The following CHDH variants were observed in gnomAD, a reference collection of about 807,000 sequenced individuals.
CHDH encodes the protein choline dehydrogenase.
A neutral mutation model predicts 56.9 loss-of-function variants in CHDH; 43 were observed. The ratio of observed to expected loss-of-function variants is 0.76; its 90% confidence interval spans 0.59 to 0.97. The LOEUF is 0.97. Ranked by LOEUF, CHDH falls within the 50% of genes least tolerant of loss-of-function variation. The pLI is 0.00. For missense variants in CHDH, 816 were observed against 821.1 expected (o/e 0.99, Z 0.08); for synonymous variants, 364 against 348.5 (o/e 1.04, Z -0.50).
intron 1 of CHDH, among the ~76,000 whole-genome samples, chr3:53,844,267 C>T (rs182936790): frequency 2.4e-4 from 37 of 152,302 alleles, no homozygotes; most frequent in Non-Finnish European, 3.1e-4. Flanking sequence ...AGCTCAGCCA[C>T]CTCCAGACCA....
intron 2 of CHDH, among the ~76,000 whole-genome samples, chr3:53,827,198 G>T (rs536609522): frequency 1.3e-5 from 2 of 152,274 alleles, no homozygotes; most frequent in South Asian, 2.1e-4. Flanking sequence ...GATTATAGGG[G>T]CAGGCTTCCC....
chr3:53,818,553 G>C (rs1285142297), intron 8 of CHDH, among the ~76,000 whole-genome samples: 1 of 152,246 alleles, frequency 6.6e-6, no homozygotes, highest in Non-Finnish European at 1.5e-5. Context: ...CCAGTGGGTA[G>C]TGCTCGTTTT....
At chr3:53,837,910 T>C (rs1015830404) in intron 2 of CHDH, among the ~76,000 whole-genome samples, 2 of 151,768 alleles carry the variant, frequency 1.3e-5, no homozygotes, top group African/African-American at 4.8e-5. Flanking sequence ...ATACAAAAAT[T>C]AGCCGGGTGT....
intron 5 of CHDH, among the ~76,000 whole-genome samples, chr3:53,821,311 G>A (rs1429616562): frequency 6.7e-6 from 1 of 148,562 alleles, no homozygotes; most frequent in African/African-American, 2.5e-5. Flanking sequence ...ATGGAAGGAC[G>A]AGGCCTGGAC....
intron 2 of CHDH, among the ~76,000 whole-genome samples, chr3:53,833,084 A>T (rs1698386892): frequency 6.6e-6 from 1 of 152,212 alleles, no homozygotes; most frequent in Non-Finnish European, 1.5e-5. Context: ...TTATTTCTTG[A>T]TCTAGATGAC....
chr3:53,817,567 A>C lies in CHDH; in HGVS notation c.*210T>G. On this transcript the variant is annotated 3_prime_UTR_variant, in exon 9 of 9. Transcript: ENST00000315251. ...AATGCTGGCCTTCCCCAAATGGCCC[A>C]CAGGGAAAGGCTGGGGAAAAGGAGC... 1 of 545,608 alleles carries C rather than the reference A, an allele frequency of 1.8e-6. No individual in the cohort carries two copies. The highest frequency in any genetic ancestry group is 3.2e-6 in the Non-Finnish European group (1 of 313,496). The allele number at this position is 545,608 out of a possible 1,614,324, so 33.8% of individuals were successfully genotyped here.
chr3:53,824,079 A>G lies in CHDH; in HGVS notation c.-59-12T>C. On this transcript the variant is annotated splice_polypyrimidine_tract_variant and intron_variant, in intron 2 of 8. Transcript: ENST00000315251. ...TGACTCACTTCTCCCTAAAACAGGAAGAGGGGCTTTAAAAATCTTAACTCC... is the reference window on the plus strand; with the variant it reads ...TGACTCACTTCTCCCTAAAACAGGAGGAGGGGCTTTAAAAATCTTAACTCC... The G allele has an allele frequency of 7.4e-7, 1 of 1,351,900 alleles. No individual in the cohort carries two copies. The highest frequency in any genetic ancestry group is 9.6e-7 in the Non-Finnish European group (1 of 1,040,054). The allele number at this position is 1,351,900 out of a possible 1,614,324, so 83.7% of individuals were successfully genotyped here. A position where few individuals can be genotyped will look rare whatever the true frequency, so the allele number is the denominator to read the frequency against.
In CHDH at chr3:53,814,010, G is replaced by C. The variant is rs1043080098; in HGVS notation, c.*3767C>G. ...ACATCCACCCAGACAGCTGGATCTC[G>C]CTTCACCATGTGGCACTTTCCAGCT... On this transcript the variant is annotated 3_prime_UTR_variant, in exon 9 of 9. Transcript: ENST00000315251. 6.6e-6 allele frequency: 1 copy of C among 152,220 alleles called. No homozygotes were observed. The highest frequency in any genetic ancestry group is 2.1e-4 in the South Asian group (1 of 4,808). The allele number at this position is 152,220 out of a possible 1,614,324, so 9.4% of individuals were successfully genotyped here.
chr3:53,828,162 G>GAGAC (rs1698208966), intron 2 of CHDH, among the ~76,000 whole-genome samples: 1 of 145,146 alleles, frequency 6.9e-6, no homozygotes, highest in African/African-American at 2.6e-5. Context: ...GGAATAACTA[G>GAGAC]ACACACACAC....
At chr3:53,826,555 C>G (rs978982036) in intron 2 of CHDH, among the ~76,000 whole-genome samples, 1 of 152,164 alleles carries the variant, frequency 6.6e-6, no homozygotes, top group African/African-American at 2.4e-5. Flanking sequence ...AATTTAACAT[C>G]CATTAAATGA....
At chr3:53,825,738 T>C (rs2095637884) in intron 2 of CHDH, among the ~76,000 whole-genome samples, 1 of 152,112 alleles carries the variant, frequency 6.6e-6, no homozygotes, top group South Asian at 2.1e-4. Flanking sequence ...GCTTAGAGCA[T>C]CCCAAGCAGG....
chr3:53,831,704 A>G (rs6782485), intron 2 of CHDH, among the ~76,000 whole-genome samples: 362 of 152,332 alleles, frequency 2.4e-3, no homozygotes, highest in African/African-American at 8.1e-3. Flanking sequence ...AAACAACTCA[A>G]ATAGAAAATG....
At position 53,817,383 on chromosome 3, in the gene CHDH, C is replaced by T. The variant is rs1402336166; in HGVS notation, c.*394G>A. ...GATGCCCCTTCCTTCGCGAACCCTCCGTGGGTCTGGCAGGCACCCAGCCTC... is the reference window on the plus strand; with the variant it reads ...GATGCCCCTTCCTTCGCGAACCCTCTGTGGGTCTGGCAGGCACCCAGCCTC... On this transcript the variant is annotated 3_prime_UTR_variant, in exon 9 of 9. Transcript: ENST00000315251. 5 of 196,762 alleles carry T rather than the reference C, an allele frequency of 2.5e-5. No individual in the cohort carries two copies. Among genetic ancestry groups the T allele is most frequent in the South Asian group, 1.3e-4 (1 of 7,712 alleles). The allele number at this position is 196,762 out of a possible 1,614,324, so 12.2% of individuals were successfully genotyped here.
intron 2 of CHDH, among the ~76,000 whole-genome samples, chr3:53,831,940 C>T (rs1698346082): frequency 6.8e-6 from 1 of 146,596 alleles, no homozygotes; most frequent in Non-Finnish European, 1.5e-5. Context: ...GCAACAGAGC[C>T]AGACTCCATC....
chr3:53,820,459 G>C lies in CHDH; in HGVS notation c.1120+15C>G. The C allele has an allele frequency of 6.2e-7, 1 of 1,603,574 alleles. No individual in the cohort carries two copies. Among genetic ancestry groups the C allele is most frequent in the Non-Finnish European group, 8.5e-7 (1 of 1,174,838 alleles). The stretch of plus-strand genomic sequence containing the variant: ...ATAGGCAGTCTCCTCCCAGGTTACT[G>C]GTAAGCGTGCTCACCTGTGAATTTC... On this transcript the variant is annotated intron_variant, in intron 6 of 8. Transcript: ENST00000315251.
At chr3:53,818,907 A>T (rs2095620724) in intron 8 of CHDH, 31 bp downstream of exon 8, 2 of 1,378,520 alleles carry the variant, frequency 1.5e-6, no homozygotes, top group African/African-American at 1.4e-5. Flanking sequence ...TCGTTTGTTC[A>T]AGCCCAGGAA....
At position 53,822,586 on chromosome 3, in the gene CHDH, G is replaced by T; in HGVS notation, c.760C>A (p.Leu254Ile). 1 of 1,612,782 alleles carries T rather than the reference G, an allele frequency of 6.2e-7. No homozygotes were observed. ...YLHPALSRTN[L>I]KAEAETLVSR... The stretch of plus-strand genomic sequence containing the variant: ...ACAAGCGTCTCGGCCTCGGCCTTGA[G>T]GTTGGTGCGGCTCAGTGCTGGGTGC... The change falls in exon 4 of 9, where the codon CTC becomes ATC. Residue 254 changes from leucine to isoleucine, a missense_variant. Transcript: ENST00000315251.
chr3:53,838,195 C>T (rs1698563883), intron 2 of CHDH, among the ~76,000 whole-genome samples: 1 of 152,128 alleles, frequency 6.6e-6, no homozygotes. Context: ...TTTCTTCTCC[C>T]TTGCAGGCGT....
Position 53,817,760 on chromosome 3 carries a change from C to T in CHDH, c.*17G>A, listed in dbSNP as rs1576773343. The stretch of plus-strand genomic sequence containing the variant: ...TTATCAGGGGGCTTCCCTGGTCATC[C>T]TCCAGCAGCAACTGTCTTAGCGCTG... On this transcript the variant is annotated 3_prime_UTR_variant, in exon 9 of 9. Coordinates refer to ENST00000315251, the MANE Select transcript of CHDH (RefSeq NM_018397.5). 2 of 1,570,498 alleles carry T rather than the reference C, an allele frequency of 1.3e-6. No individual in the cohort carries two copies. The highest frequency in any genetic ancestry group is 4.5e-5 in the East Asian group (2 of 44,542).
Sources: allele counts gnomAD v4.1 joint callset (sites outside exome capture counted in the v4.1 genomes callset), GRCh38; gene constraint gnomAD v4.1.1; transcripts MANE v1.5; gene names NCBI Gene and HGNC (gene_info 2026-07-23, HGNC 2026-07-21).